Variants in PTPRA observed in about 807,000 individuals in gnomAD.
The protein encoded by PTPRA is receptor-type tyrosine-protein phosphatase alpha.
Under a neutral mutation model 104.8 loss-of-function variants are expected in PTPRA, and 25 were observed. The observed-to-expected ratio is 0.24, with a 90% CI of 0.17 to 0.33. The LOEUF (loss-of-function observed/expected upper bound fraction) is 0.33, where lower values mean the gene tolerates loss of function less well. PTPRA is among the 10% of genes least tolerant of loss of function. PTPRA has a pLI of 1.00. For missense variants in PTPRA, 765 were observed against 1,015.3 expected, an observed-to-expected ratio of 0.75 and a Z score of 3.35; for synonymous variants, 323 against 368.9, an observed-to-expected ratio of 0.88 and a Z score of 1.43.
intron 2 of PTPRA, among the ~76,000 whole-genome samples, chr20:2,927,511 T>A (rs2060344997): frequency 6.6e-6 from 1 of 152,230 alleles, no homozygotes. Context: ...CACTCCAGCC[T>A]GTCAAGGCTA....
intron 16 of PTPRA, among the ~76,000 whole-genome samples, chr20:3,023,920 A>AT (rs1179614059): frequency 6.6e-6 from 1 of 152,176 alleles, no homozygotes; most frequent in Non-Finnish European, 1.5e-5. Flanking sequence ...CTTATAAATT[A>AT]TGTATTCAAA....
chr20:2,933,904 A>G (rs1044122661), intron 2 of PTPRA, among the ~76,000 whole-genome samples: 1 of 152,208 alleles, frequency 6.6e-6, no homozygotes, highest in Non-Finnish European at 1.5e-5. Flanking sequence ...ATATTTAGGA[A>G]GGCTACCTCA....
intron 2 of PTPRA, among the ~76,000 whole-genome samples, chr20:2,930,633 G>A (rs1359844201): frequency 6.6e-6 from 1 of 152,104 alleles, no homozygotes; most frequent in Non-Finnish European, 1.5e-5. Context: ...TATTTGGATT[G>A]TAAATGATCA....
intron 6 of PTPRA, among the ~76,000 whole-genome samples, chr20:2,985,435 A>T (rs745984610): frequency 2.0e-5 from 3 of 152,210 alleles, no homozygotes; most frequent in Non-Finnish European, 2.9e-5. Flanking sequence ...ACATGACAGG[A>T]TGGAAGAGAC....
intron 11 of PTPRA, among the ~76,000 whole-genome samples, chr20:3,014,968 T>C (rs2064362793): frequency 6.6e-6 from 1 of 152,178 alleles, no homozygotes; most frequent in African/African-American, 2.4e-5. Flanking sequence ...CGAGGCTCCT[T>C]ATCTGTTGAG....
chr20:2,974,191 T>C (rs2062322601), intron 5 of PTPRA, among the ~76,000 whole-genome samples: 1 of 151,968 alleles, frequency 6.6e-6, no homozygotes. Flanking sequence ...CCTGACTTTG[T>C]GATCTGCCCA....
intron 2 of PTPRA, among the ~76,000 whole-genome samples, chr20:2,941,231 A>G (rs979431136): frequency 7.2e-5 from 11 of 152,046 alleles, no homozygotes; most frequent in African/African-American, 2.7e-4. Flanking sequence ...GGGTTTCACC[A>G]TGTTGGCCAG....
At chr20:2,872,754 C>A (rs1157498610), upstream of PTPRA, among the ~76,000 whole-genome samples, 1 of 152,210 alleles carries the variant, frequency 6.6e-6, no homozygotes, top group African/African-American at 2.4e-5. The surrounding 1 kb of genome is among the most constrained non-coding windows in gnomAD (Gnocchi z 7.9). Flanking sequence ...GCGCCCCAAC[C>A]CCGGCCGGGG....
chr20:3,020,625 A>G (rs914359711), intron 13 of PTPRA, among the ~76,000 whole-genome samples: 1 of 152,202 alleles, frequency 6.6e-6, no homozygotes, highest in Non-Finnish European at 1.5e-5. Context: ...AACCAGCTCT[A>G]TCACTGGGCC....
chr20:2,867,818 A>G, the PTPRA span, among the ~76,000 whole-genome samples: 1 of 152,256 alleles, frequency 6.6e-6, no homozygotes, highest in Non-Finnish European at 1.5e-5. Context: ...TGAGAGACTC[A>G]GGGCCTGAGA....
chr20:2,964,135 A>C, intron 3 of PTPRA, 137 bp from the exon 4 acceptor site: 3 of 692,190 alleles, frequency 4.3e-6, no homozygotes, highest in Non-Finnish European at 7.5e-6. Flanking sequence ...GGAAGCATGC[A>C]TATCAGGCTC....
intron 14 of PTPRA, 113 bp from the exon 15 acceptor site, chr20:3,021,941 G>A (rs749055815): frequency 1.5e-6 from 2 of 1,353,682 alleles, no homozygotes; most frequent in Non-Finnish European, 2.0e-6. Context: ...TAACTCCCCT[G>A]GGTACACTTA....
chr20:2,909,333 C>T (rs1392408606), intron 1 of PTPRA, among the ~76,000 whole-genome samples: 1 of 151,946 alleles, frequency 6.6e-6, no homozygotes, highest in Non-Finnish European at 1.5e-5. Context: ...GTGGCTCATG[C>T]TTGTAAATCC....
chr20:3,007,025 G>A (rs1164534771), intron 10 of PTPRA, among the ~76,000 whole-genome samples: 1 of 152,118 alleles, frequency 6.6e-6, no homozygotes, highest in Non-Finnish European at 1.5e-5. Context: ...TTTTTAATAT[G>A]ATTGGTATAC....
chr20:2,934,569 CT>C (rs942462212), intron 2 of PTPRA, among the ~76,000 whole-genome samples: 1 of 151,122 alleles, frequency 6.6e-6, no homozygotes, highest in African/African-American at 2.4e-5. Flanking sequence ...TATATGTGAA[CT>C]TTTTTTAAAA....
intron 3 of PTPRA, among the ~76,000 whole-genome samples, chr20:2,954,074 T>G (rs2061448212): frequency 7.4e-6 from 1 of 134,454 alleles, no homozygotes; most frequent in Admixed American, 8.0e-5. Flanking sequence ...CATACCCGGC[T>G]AACTTTTTTT....
intron 5 of PTPRA, among the ~76,000 whole-genome samples, chr20:2,971,211 G>A (rs1395822541): frequency 6.6e-6 from 1 of 152,064 alleles, no homozygotes; most frequent in African/African-American, 2.4e-5. Context: ...AAAAAAGTTT[G>A]TATTGATCAT....
intron 5 of PTPRA, among the ~76,000 whole-genome samples, chr20:2,971,996 G>T (rs978582323): frequency 6.6e-6 from 1 of 151,938 alleles, no homozygotes; most frequent in Non-Finnish European, 1.5e-5. Context: ...ACCATGCCCG[G>T]CTAATTTTTT....
chr20:2,931,150 C>T (rs145066224), intron 2 of PTPRA, among the ~76,000 whole-genome samples: 16 of 152,144 alleles, frequency 1.1e-4, no homozygotes, highest in Admixed American at 9.2e-4. Flanking sequence ...AGACTGGAGA[C>T]CCAGGACTGT....
Sources: gnomAD v4.1 joint callset for allele counts (sites outside exome capture counted in the v4.1 genomes callset) on GRCh38, gnomAD v4.1.1 for gene constraint, Gnocchi (gnomAD v3.1) non-coding constraint, MANE v1.5 for transcripts, NCBI Gene and HGNC (gene_info 2026-07-23, HGNC 2026-07-21) for gene names.